PPL: variants seen among roughly 807,000 people sequenced by gnomAD.
PPL encodes the protein periplakin, also known as 190 kDa paraneoplastic pemphigus antigen.
Under a neutral mutation model 194.4 loss-of-function variants are expected in PPL, and 198 were observed. That is an observed-to-expected ratio of 1.02 (90% CI 0.91 to 1.15). PPL has a LOEUF of 1.15. Ranked by LOEUF, PPL falls within the 50% of genes most tolerant of loss-of-function variation. PPL has a pLI of 0.00. For synonymous variants in PPL, 1,220 were observed against 972.4 expected (o/e 1.25, Z -4.74); for missense variants, 2,885 against 2,294.8 (o/e 1.26, Z -5.25).
rs1450393089 is a variant in PPL, at chr16:4,899,001, G to C, written c.876+12C>G. The C allele has an allele frequency of 6.8e-6, 11 of 1,611,072 alleles. No homozygotes were observed. The highest frequency in any genetic ancestry group is 2.2e-5 in the East Asian group (1 of 44,864). On this transcript the variant is annotated intron_variant, in intron 8 of 21. Transcript: ENST00000345988. ...ACCCTGGGGGAGGTGTCTGGTCTCG[G>C]GGTGCATGAACCTCAATGGAGTTCC...
In PPL at chr16:4,937,083, C is replaced by T. The variant is rs1433062208; in HGVS notation, c.-38G>A. 14 of 1,294,900 alleles carry T rather than the reference C, an allele frequency of 1.1e-5. No individual in the cohort carries two copies. The highest frequency in any genetic ancestry group is 8.9e-6 in the Non-Finnish European group (9 of 1,014,254). The allele number at this position is 1,294,900 out of a possible 1,614,324, so 80.2% of individuals were successfully genotyped here. On this transcript the variant is annotated 5_prime_UTR_variant, in exon 1 of 22. Transcript: ENST00000345988. ...GGTGCGGGCGGCGGCGGCTGGCGGG[C>T]CGGGCGCGCACCGAGGGGCGGGCGG...
At chr16:4,893,709 G>C in intron 12 of PPL, 71 bp from the exon 13 acceptor site, 3 of 1,330,706 alleles carry the variant, frequency 2.3e-6, no homozygotes, top group Non-Finnish European at 3.1e-6. Flanking sequence ...GCGGGACTGC[G>C]GACTCTGGCT....
At chr16:4,910,410 G>A (rs1400408963) in intron 2 of PPL, among the ~76,000 whole-genome samples, 1 of 152,196 alleles carries the variant, frequency 6.6e-6, no homozygotes, top group African/African-American at 2.4e-5. Context: ...TCTCGTTCAT[G>A]GGGAGGTGGG....
At chr16:4,904,135 TC>T (rs2088634984) in intron 2 of PPL, 95 bp from the exon 3 acceptor site, 6 of 1,286,918 alleles carry the variant, frequency 4.7e-6, no homozygotes, top group Non-Finnish European at 5.4e-6. Flanking sequence ...AGCAGGGTGC[TC>T]CCCTTCTTTC....
Position 4,891,932 on chromosome 16 carries a change from C to G in PPL, c.1847G>C (p.Arg616Pro). ...GCTCTGCTGCAGGCTCTTCTCCAGG[C>G]GGTTGGCCACATCAACCCTGAGAGC... ...LAQEKVDVAN[R>P]LEKSLQQSWE... Residue 616 changes from arginine (R) to proline (P), a missense_variant, in exon 16 of 22, where the codon CGC becomes CCC. Coordinates refer to ENST00000345988, the MANE Select transcript of PPL (RefSeq NM_002705.5). 6.2e-7 allele frequency: 1 copy of G among 1,612,998 alleles called. No homozygotes were observed. The highest frequency in any genetic ancestry group is 1.3e-5 in the African/African-American group (1 of 75,046).
intron 20 of PPL, 68 bp from the exon 21 acceptor site, chr16:4,887,295 G>A: frequency 8.7e-7 from 1 of 1,154,932 alleles, no homozygotes; most frequent in South Asian, 1.2e-5. Context: ...CAGAGAGCTA[G>A]ACAGCGTGGA....
intron 2 of PPL, among the ~76,000 whole-genome samples, chr16:4,909,332 A>G (rs1482763786): frequency 1.3e-5 from 2 of 150,898 alleles, no homozygotes; most frequent in South Asian, 2.1e-4. Flanking sequence ...TTGGATACCT[A>G]TGGCTGGGCC....
intron 1 of PPL, among the ~76,000 whole-genome samples, chr16:4,928,728 T>A (rs2089190625): frequency 2.0e-5 from 3 of 152,138 alleles, no homozygotes; most frequent in African/African-American, 7.2e-5. Context: ...AAACTCTATT[T>A]GGCTGGGAGC....
chr16:4,914,597 C>CTG (rs2088883362), intron 1 of PPL, among the ~76,000 whole-genome samples: 1 of 152,198 alleles, frequency 6.6e-6, no homozygotes, highest in South Asian at 2.1e-4. Context: ...TGGGGGCAGC[C>CTG]TGTCCCAAAG....
At chr16:4,913,412 G>A (rs1025332132) in intron 1 of PPL, among the ~76,000 whole-genome samples, 1 of 152,200 alleles carries the variant, frequency 6.6e-6, no homozygotes, top group South Asian at 2.1e-4. Flanking sequence ...CGGGGCCAGG[G>A]TGGCAGGGGT....
Position 4,885,328 on chromosome 16 carries a change from C to G in PPL, c.3327G>C (p.Glu1109Asp), listed in dbSNP as rs777675203. ...GCACCTCCTTGACGGTGATCTTGCC[C>G]TCGGCCATGGCCCGCTCCTTCTCTA... is the stretch of plus-strand genomic sequence containing the variant. ...KRLEKERAMA[E>D]GKITVKEVLK... The change falls in exon 22 of 22, where the codon GAG becomes GAC. Residue 1109 changes from glutamate (E) to aspartate (D), a missense_variant. By Grantham distance (45) the Glu-to-Asp change is conservative. Transcript: ENST00000345988. The surrounding 1 kb of genome is among the most constrained non-coding windows in gnomAD (Gnocchi z 6.3). 2 of 1,612,700 alleles carry G rather than the reference C, an allele frequency of 1.2e-6. No individual in the cohort carries two copies. Among genetic ancestry groups the G allele is most frequent in the African/African-American group, 1.3e-5 (1 of 74,892 alleles).
At position 4,897,326 on chromosome 16, in the gene PPL, C is replaced by T. The variant is rs2088449869; in HGVS notation, c.972+349G>A. Among the ~76,000 whole-genome samples the T allele has an allele frequency of 5.7e-5, 6 of 105,594 alleles. No individual in the cohort carries two copies. In the South Asian group the frequency reaches 2.1e-3, roughly 38 times the overall value. The allele number at this position is 105,594 out of a possible 152,430, so 69.3% of individuals were successfully genotyped here. On this transcript the variant is annotated intron_variant, in intron 9 of 21. Coordinates refer to ENST00000345988, the MANE Select transcript of PPL (RefSeq NM_002705.5). ...CTCCAGCCTGGGTGACAGGGCAAGA[C>T]TCTCTCAAAAAAAAAAAAAAAAAAA...
At chr16:4,895,164 G>T (rs980466902) in intron 11 of PPL, 97 bp downstream of exon 11, 3 of 1,400,620 alleles carry the variant, frequency 2.1e-6, no homozygotes, top group Non-Finnish European at 2.8e-6. Flanking sequence ...ACGGAGACAG[G>T]CACAGGCTCC....
At chr16:4,886,304 G>A (rs553656658) in intron 21 of PPL, among the ~76,000 whole-genome samples, 124 of 152,278 alleles carry the variant, frequency 8.1e-4, no homozygotes, top group Middle Eastern at 3.4e-3. Flanking sequence ...TCTGGTCCCC[G>A]TCCTAGGGCG....
rs917670076 is a variant in PPL, at chr16:4,937,123, G to A, written c.-78C>T. The A allele has an allele frequency of 8.9e-6, 9 of 1,012,142 alleles. No individual in the cohort carries two copies. In the African/African-American group the frequency reaches 1.4e-4, roughly 16 times the overall value. The allele number at this position is 1,012,142 out of a possible 1,614,324, so 62.7% of individuals were successfully genotyped here. On this transcript the variant is annotated 5_prime_UTR_variant, in exon 1 of 22. Transcript: ENST00000345988. The stretch of plus-strand genomic sequence containing the variant: ...GGGGCGGGCGGGAGCGCAGGTGAGC[G>A]AGCGGCGGCGCGGGGAGCCCGGACT...
At chr16:4,928,097 T>A (rs972725759) in intron 1 of PPL, among the ~76,000 whole-genome samples, 1 of 152,188 alleles carries the variant, frequency 6.6e-6, no homozygotes, top group Admixed American at 6.5e-5. Flanking sequence ...CCCCAAGGCA[T>A]CAGGATGTCA....
At chr16:4,922,459 C>T (rs2089068463) in intron 1 of PPL, among the ~76,000 whole-genome samples, 1 of 152,110 alleles carries the variant, frequency 6.6e-6, no homozygotes. Flanking sequence ...GTCAGGAGTT[C>T]CAGACCAGCC....
chr16:4,895,651 C>T lies in PPL; in HGVS notation c.1038G>A (p.Lys346=). The change falls in exon 10 of 22, where the codon AAG becomes AAA. Residue 346 remains lysine (K), a synonymous_variant. Transcript: ENST00000345988. The part of the protein sequence containing the change: ...LRKVDSDLNQ[K]YGPDFKDRYQ... ...ACCGGTCCTTGAAGTCAGGGCCATA[C>T]TTCTGGTTCAGGTCCGAGTCCACCT... 1 of 1,614,070 alleles carries T rather than the reference C, an allele frequency of 6.2e-7. No homozygotes were observed.
intron 4 of PPL, among the ~76,000 whole-genome samples, chr16:4,901,860 A>C (rs1043668001): frequency 6.6e-6 from 1 of 151,954 alleles, no homozygotes; most frequent in Non-Finnish European, 1.5e-5. Flanking sequence ...GGATCACCTA[A>C]GCCTGGGAAG....
Sources: allele counts gnomAD v4.1 joint callset (sites outside exome capture counted in the v4.1 genomes callset), GRCh38; gene constraint gnomAD v4.1.1; non-coding constraint Gnocchi (gnomAD v3.1); transcripts MANE v1.5; gene names NCBI Gene and HGNC (gene_info 2026-07-23, HGNC 2026-07-21).